The following WDR25 variants were observed in gnomAD, a reference collection of about 807,000 sequenced individuals.
WDR25 encodes WD repeat domain 25, also known as WD repeat-containing protein 25.
WDR25 carries 35 observed loss-of-function variants against 47.7 expected under a neutral mutation model. That is an observed-to-expected ratio of 0.73 (90% CI 0.56 to 0.97). The LOEUF is 0.97. WDR25 is among the 50% of genes least tolerant of loss of function. The probability of loss-of-function intolerance (pLI) is 0.00; values close to 1 mark genes in which losing one functional copy is unlikely to be tolerated. For synonymous variants in WDR25, 248 were observed against 278.9 expected, an observed-to-expected ratio of 0.89 and a Z score of 1.10; for missense variants, 634 against 704.7, an observed-to-expected ratio of 0.90 and a Z score of 1.14.
At position 100,483,494 on chromosome 14, in the gene WDR25, A is replaced by G. The variant is rs1056179172; in HGVS notation, c.971-500A>G. 2.4e-4 allele frequency among the ~76,000 whole-genome samples: 36 copies of G among 152,192 alleles called. 1 individual carries two copies. The highest frequency in any genetic ancestry group is 2.2e-3 in the Admixed American group (34 of 15,284). On this transcript the variant is annotated intron_variant, in intron 3 of 6. Transcript: ENST00000402312. Reference sequence around the variant, plus strand: ...CAGGCCACCCCACCTGCCATGCTCCATAGCAAACCATTCATCCATTATTAT... The same window carrying G: ...CAGGCCACCCCACCTGCCATGCTCCGTAGCAAACCATTCATCCATTATTAT...
At chr14:100,415,537 C>T (rs1897844896) in intron 2 of WDR25, among the ~76,000 whole-genome samples, 1 of 152,208 alleles carries the variant, frequency 6.6e-6, no homozygotes, top group Non-Finnish European at 1.5e-5. Flanking sequence ...GCATCTCTAT[C>T]TGGAACAGAT....
chr14:100,387,500 T>A (rs1412156819), intron 2 of WDR25, among the ~76,000 whole-genome samples: 1 of 152,156 alleles, frequency 6.6e-6, no homozygotes, highest in Non-Finnish European at 1.5e-5. Flanking sequence ...GTGGTCACAT[T>A]TAAAGCATGG....
rs142273484 is a variant in WDR25, at chr14:100,523,311, G to A, written c.1102-2559G>A. Among the ~76,000 whole-genome samples the A allele has an allele frequency of 1.8e-4, 28 of 152,332 alleles. No individual in the cohort carries two copies. In the East Asian group the frequency reaches 5.2e-3, roughly 28 times the overall value. ...GCTCACAGTCCTGTGGCGTAGGCAG[G>A]TGGCTGATGTGGGCAGCTAAGGGAG... On this transcript the variant is annotated intron_variant, in intron 4 of 6. Coordinates refer to ENST00000402312, the MANE Select transcript of WDR25 (RefSeq NM_001161476.3). The surrounding 1 kb of genome is among the most constrained non-coding windows in gnomAD (Gnocchi z 4.7).
At chr14:100,377,944 T>G (rs1896759000) in intron 1 of WDR25, among the ~76,000 whole-genome samples, 1 of 151,986 alleles carries the variant, frequency 6.6e-6, no homozygotes. Flanking sequence ...CTTGGCGTGT[T>G]TGATTAAGGT....
chr14:100,420,207 C>T (rs1394458190), intron 2 of WDR25, among the ~76,000 whole-genome samples: 3 of 152,268 alleles, frequency 2.0e-5, no homozygotes, highest in South Asian at 2.1e-4. Context: ...GCACATGGGC[C>T]GCAGGCCCTG....
At chr14:100,514,348 C>A (rs1050537543) in intron 4 of WDR25, among the ~76,000 whole-genome samples, 1 of 152,110 alleles carries the variant, frequency 6.6e-6, no homozygotes, top group African/African-American at 2.4e-5. Flanking sequence ...TCTCTTCTTT[C>A]GAACTAGGTT....
At chr14:100,478,846 A>G (rs1900106882) in intron 3 of WDR25, among the ~76,000 whole-genome samples, 1 of 152,216 alleles carries the variant, frequency 6.6e-6, no homozygotes, top group African/African-American at 2.4e-5. Flanking sequence ...TTTTGAAAAA[A>G]ACATATGGAT....
intron 4 of WDR25, among the ~76,000 whole-genome samples, chr14:100,520,936 G>A (rs2029870392): frequency 6.6e-6 from 1 of 152,162 alleles, no homozygotes; most frequent in Non-Finnish European, 1.5e-5. Context: ...GTGCAGTTAA[G>A]CTACGAAATC....
chr14:100,377,292 AGTTGTTGTT>A (rs56705876), intron 1 of WDR25, among the ~76,000 whole-genome samples: 1 of 151,310 alleles, frequency 6.6e-6, no homozygotes, highest in Admixed American at 6.6e-5. Flanking sequence ...TGGCTTTAGA[AGTTGTTGTT>A]GTTGTTGTTG....
intron 2 of WDR25, chr14:100,382,207 A>G: frequency 1.4e-6 from 1 of 702,786 alleles, no homozygotes; most frequent in Non-Finnish European, 2.6e-6. Context: ...GGAGCCGTGG[A>G]CAAGTACACA....
chr14:100,447,280 A>G (rs976514610), intron 2 of WDR25, among the ~76,000 whole-genome samples: 2 of 152,120 alleles, frequency 1.3e-5, no homozygotes, highest in African/African-American at 2.4e-5. Flanking sequence ...AGACTTGGGG[A>G]TTGTTTCTCA....
intron 2 of WDR25, among the ~76,000 whole-genome samples, chr14:100,417,752 A>G (rs1374372590): frequency 6.6e-6 from 1 of 152,184 alleles, no homozygotes; most frequent in African/African-American, 2.4e-5. Flanking sequence ...AGACAGACAC[A>G]GGGCTGACAT....
intron 2 of WDR25, among the ~76,000 whole-genome samples, chr14:100,431,957 G>A (rs542619021): frequency 3.9e-5 from 6 of 152,292 alleles, no homozygotes; most frequent in East Asian, 3.9e-4. Context: ...TGATCCACCC[G>A]CCTCAGCCTC....
intron 2 of WDR25, among the ~76,000 whole-genome samples, chr14:100,432,828 A>T (rs1898379544): frequency 6.6e-6 from 1 of 152,246 alleles, no homozygotes; most frequent in Admixed American, 6.5e-5. Context: ...TTGTGGTGGG[A>T]ACACCATATA....
chr14:100,477,278 T>G (rs934610839), intron 3 of WDR25, among the ~76,000 whole-genome samples: 8 of 152,246 alleles, frequency 5.3e-5, no homozygotes, highest in African/African-American at 1.9e-4. Flanking sequence ...TTGTTTTTGC[T>G]TTAACAATTT....
At chr14:100,443,841 A>G (rs1470464626) in intron 2 of WDR25, among the ~76,000 whole-genome samples, 2 of 152,214 alleles carry the variant, frequency 1.3e-5, no homozygotes, top group Non-Finnish European at 2.9e-5. Flanking sequence ...GAGCATGAGT[A>G]ATAATAATTG....
At chr14:100,528,408 C>G (rs929027269) in intron 5 of WDR25, among the ~76,000 whole-genome samples, 17 of 151,576 alleles carry the variant, frequency 1.1e-4, no homozygotes, top group African/African-American at 4.1e-4. Context: ...TGTCACATCT[C>G]TGCGCCTTCC....
At chr14:100,526,524 G>A (rs2030148307) in intron 5 of WDR25, among the ~76,000 whole-genome samples, 1 of 152,128 alleles carries the variant, frequency 6.6e-6, no homozygotes, top group Non-Finnish European at 1.5e-5. Flanking sequence ...TAGCCTCTTT[G>A]ATTCTCACTT....
At chr14:100,443,651 C>A (rs958690287) in intron 2 of WDR25, among the ~76,000 whole-genome samples, 1 of 152,184 alleles carries the variant, frequency 6.6e-6, no homozygotes, top group African/African-American at 2.4e-5. Context: ...GCCCAGAACT[C>A]AACATATCTC....
Sources: allele counts gnomAD v4.1 joint callset (sites outside exome capture counted in the v4.1 genomes callset), GRCh38; gene constraint gnomAD v4.1.1; non-coding constraint Gnocchi (gnomAD v3.1); transcripts MANE v1.5; gene names NCBI Gene and HGNC (gene_info 2026-07-23, HGNC 2026-07-21).